PPP2R2A: variants seen among roughly 807,000 people sequenced by gnomAD.
PPP2R2A encodes the protein protein phosphatase 2 regulatory subunit Balpha.
A neutral mutation model predicts 53.2 loss-of-function variants in PPP2R2A; 9 were observed. The observed-to-expected ratio is 0.17, with a 90% CI of 0.10 to 0.30. The LOEUF is 0.30. Among genes scored for constraint, PPP2R2A ranks in the 10% least tolerant of loss-of-function variants. PPP2R2A has a pLI of 1.00. For missense variants in PPP2R2A, 235 were observed against 534.6 expected (o/e 0.44, Z 5.53); for synonymous variants, 169 against 174.2 (o/e 0.97, Z 0.23).
intron 7 of PPP2R2A, chr8:26,363,055 C>A (rs1805192088): frequency 1.9e-6 from 1 of 518,288 alleles, no homozygotes; most frequent in Non-Finnish European, 3.4e-6. Context: ...CTATTGATTG[C>A]CAAGGAATAT....
At chr8:26,353,240 C>T (rs181921087) in intron 3 of PPP2R2A, among the ~76,000 whole-genome samples, 46 of 152,208 alleles carry the variant, frequency 3.0e-4, no homozygotes, top group Non-Finnish European at 5.6e-4. Flanking sequence ...TGTGTATCCC[C>T]GATATGTGGA....
chr8:26,293,593 G>C, intron 1 of PPP2R2A, 73 bp from the exon 2 acceptor site: 3 of 1,424,604 alleles, frequency 2.1e-6, no homozygotes, highest in Non-Finnish European at 2.9e-6. Flanking sequence ...GCCAACCATG[G>C]ATACCATCTT....
intron 2 of PPP2R2A, among the ~76,000 whole-genome samples, chr8:26,304,616 C>T (rs996537315): frequency 1.3e-5 from 2 of 152,102 alleles, no homozygotes; most frequent in African/African-American, 4.8e-5. Context: ...TCCTGCTTAC[C>T]ACAAGGTAAG....
At chr8:26,351,491 C>A (rs965913871) in intron 3 of PPP2R2A, among the ~76,000 whole-genome samples, 1 of 152,210 alleles carries the variant, frequency 6.6e-6, no homozygotes, top group Non-Finnish European at 1.5e-5. Flanking sequence ...GGCAACCATA[C>A]TGGACAACAC....
intron 2 of PPP2R2A, among the ~76,000 whole-genome samples, chr8:26,334,150 T>C (rs1803530705): frequency 6.6e-6 from 1 of 152,174 alleles, no homozygotes; most frequent in African/African-American, 2.4e-5. Context: ...AGGTCCTTCT[T>C]TATTAACTGT....
rs756158171 is a variant in PPP2R2A at position 26,291,791 on chromosome 8, C to T, written c.-29C>T. Reference sequence around the variant, plus strand: ...TTCAGGAAGCGGAGACCCCGAGGAACCCAGCAGGGTCACCATTTGCAGCGC... The same window carrying T: ...TTCAGGAAGCGGAGACCCCGAGGAATCCAGCAGGGTCACCATTTGCAGCGC... On this transcript the variant is annotated 5_prime_UTR_variant, in exon 1 of 10. Transcript: ENST00000380737. The T allele has an allele frequency of 1.9e-6, 3 of 1,600,386 alleles. No individual in the cohort carries two copies. Among genetic ancestry groups the T allele is most frequent in the South Asian group, 2.2e-5 (2 of 89,488 alleles).
intron 2 of PPP2R2A, among the ~76,000 whole-genome samples, chr8:26,332,035 C>G (rs17247304): frequency 0.039 from 5,981 of 152,166 alleles, 177 homozygotes; most frequent in South Asian, 0.12. Flanking sequence ...ATGGCACTTT[C>G]AGGAATCTAT....
intron 2 of PPP2R2A, among the ~76,000 whole-genome samples, chr8:26,324,035 A>G (rs1383062330): frequency 3.9e-5 from 6 of 152,232 alleles, no homozygotes; most frequent in African/African-American, 1.4e-4. Flanking sequence ...CTACAAGGCC[A>G]TTGCCACCAT....
intron 2 of PPP2R2A, chr8:26,294,004 G>T: frequency 2.4e-6 from 1 of 414,676 alleles, no homozygotes; most frequent in Non-Finnish European, 4.4e-6. Flanking sequence ...TCACATGAAA[G>T]CTCTGAGCTC....
chr8:26,297,224 C>T (rs1801582883), intron 2 of PPP2R2A, among the ~76,000 whole-genome samples: 2 of 152,172 alleles, frequency 1.3e-5, no homozygotes, highest in African/African-American at 2.4e-5. Flanking sequence ...ATTCTCCTGC[C>T]TCAGCCTCTT....
intron 4 of PPP2R2A, chr8:26,359,181 TCAC>T (rs1274312553): frequency 1.1e-5 from 2 of 186,980 alleles, no homozygotes; most frequent in African/African-American, 4.6e-5. Flanking sequence ...ACAAAGTACC[TCAC>T]CACCACTACT....
At chr8:26,340,657 A>G (rs1014849596) in intron 3 of PPP2R2A, among the ~76,000 whole-genome samples, 1 of 152,086 alleles carries the variant, frequency 6.6e-6, no homozygotes, top group Non-Finnish European at 1.5e-5. Context: ...GAATGAAGTC[A>G]TTTTCATCTC....
intron 9 of PPP2R2A, among the ~76,000 whole-genome samples, chr8:26,368,995 C>T (rs1390840562): frequency 6.6e-6 from 1 of 151,556 alleles, no homozygotes; most frequent in African/African-American, 2.4e-5. Context: ...GTAGTCCCAG[C>T]TACTCAGGAG....
intron 3 of PPP2R2A, among the ~76,000 whole-genome samples, chr8:26,353,184 T>C (rs1331469661): frequency 6.6e-6 from 1 of 152,222 alleles, no homozygotes; most frequent in African/African-American, 2.4e-5. Context: ...ATTTTGTGTA[T>C]GGGTATGGTG....
intron 2 of PPP2R2A, among the ~76,000 whole-genome samples, chr8:26,313,801 C>T (rs1362384413): frequency 6.6e-6 from 1 of 152,150 alleles, no homozygotes; most frequent in Non-Finnish European, 1.5e-5. Flanking sequence ...ATGGATTCTC[C>T]CCTTAAAGCT....
chr8:26,295,779 A>G (rs950692823), intron 2 of PPP2R2A, among the ~76,000 whole-genome samples: 2 of 152,216 alleles, frequency 1.3e-5, no homozygotes, highest in Non-Finnish European at 2.9e-5. Context: ...TATAAAAATA[A>G]TCCAGTTTTC....
At chr8:26,336,622 C>A (rs1447179920) in intron 2 of PPP2R2A, among the ~76,000 whole-genome samples, 1 of 152,252 alleles carries the variant, frequency 6.6e-6, no homozygotes, top group East Asian at 1.9e-4. Flanking sequence ...CGCTTGCAAA[C>A]TTCCAGCAGT....
chr8:26,291,711 C>A lies in PPP2R2A; in HGVS notation c.-109C>A. The A allele has an allele frequency of 2.2e-6, 1 of 457,924 alleles. No homozygotes were observed. The highest frequency in any genetic ancestry group is 3.9e-6 in the Non-Finnish European group (1 of 257,122). 28.4% of individuals were successfully genotyped at this position (457,924 alleles called of 1,614,324 possible). On this transcript the variant is annotated 5_prime_UTR_variant, in exon 1 of 10. Transcript: ENST00000380737. ...CCCCCGTCCCCTCCCCCCGCAGGTG[C>A]CATCCGCCGCCATCCGCCCTCTCTA...
intron 2 of PPP2R2A, among the ~76,000 whole-genome samples, chr8:26,308,174 C>T (rs764468362): frequency 1.3e-5 from 2 of 152,230 alleles, no homozygotes; most frequent in East Asian, 1.9e-4. Flanking sequence ...TCTGAGCCTT[C>T]GGCAAGTTTA....
Sources: gnomAD v4.1 joint callset for allele counts (sites outside exome capture counted in the v4.1 genomes callset) on GRCh38, gnomAD v4.1.1 for gene constraint, MANE v1.5 for transcripts, NCBI Gene and HGNC (gene_info 2026-07-23, HGNC 2026-07-21) for gene names.